Variants in GLIS3 observed in about 807,000 individuals in gnomAD.
GLIS3 encodes zinc finger protein GLIS3.
Under a neutral mutation model 78.6 loss-of-function variants are expected in GLIS3, and 53 were observed. The ratio of observed to expected loss-of-function variants is 0.67; its 90% confidence interval spans 0.54 to 0.85. The LOEUF (loss-of-function observed/expected upper bound fraction) is 0.85. GLIS3 is among the 40% of genes least tolerant of loss of function. The probability of loss-of-function intolerance (pLI) is 0.00; values close to 1 mark genes in which losing one functional copy is unlikely to be tolerated. For missense variants in GLIS3, 1,703 were observed against 1,231.1 expected (o/e 1.38, Z -5.74); for synonymous variants, 684 against 509.9 (o/e 1.34, Z -4.60).
At chr9:3,915,951 G>A (rs1332313698) in intron 6 of GLIS3, among the ~76,000 whole-genome samples, 2 of 152,032 alleles carry the variant, frequency 1.3e-5, no homozygotes, top group East Asian at 3.9e-4. Flanking sequence ...GTCAGTGTGG[G>A]GGCCATATTT....
chr9:4,044,018 A>G (rs1825045211), intron 4 of GLIS3, among the ~76,000 whole-genome samples: 1 of 152,196 alleles, frequency 6.6e-6, no homozygotes, highest in Non-Finnish European at 1.5e-5. Flanking sequence ...GAGCACAGGT[A>G]AGGGCCAAGA....
intron 4 of GLIS3, among the ~76,000 whole-genome samples, chr9:4,025,407 G>A (rs1823246873): frequency 2.0e-5 from 3 of 151,956 alleles, no homozygotes; most frequent in Admixed American, 1.3e-4. Flanking sequence ...TTTGTTTTTT[G>A]AGACTGAGTC....
intron 2 of GLIS3, among the ~76,000 whole-genome samples, chr9:4,252,115 G>A (rs1824455404): frequency 6.6e-6 from 1 of 152,090 alleles, no homozygotes; most frequent in Non-Finnish European, 1.5e-5. Flanking sequence ...GTATCTTTGT[G>A]GTGTTCTCTG....
At chr9:4,200,451 A>G (rs1819273499) in intron 2 of GLIS3, among the ~76,000 whole-genome samples, 1 of 152,170 alleles carries the variant, frequency 6.6e-6, no homozygotes, top group African/African-American at 2.4e-5. Context: ...CCAAATAAGC[A>G]CAATCAGAAA....
the GLIS3 span, among the ~76,000 whole-genome samples, chr9:4,420,421 G>C: frequency 6.6e-6 from 1 of 152,146 alleles, no homozygotes; most frequent in Admixed American, 6.5e-5. Context: ...TATCTAGCTA[G>C]ACAAGCATCT....
intron 9 of GLIS3, among the ~76,000 whole-genome samples, chr9:3,838,646 C>T (rs1257651860): frequency 2.0e-5 from 3 of 152,134 alleles, no homozygotes; most frequent in South Asian, 4.1e-4. Flanking sequence ...TCAAACACTC[C>T]CTGTCTAGGT....
At chr9:4,104,380 G>C (rs1830600118) in intron 4 of GLIS3, among the ~76,000 whole-genome samples, 1 of 152,046 alleles carries the variant, frequency 6.6e-6, no homozygotes, top group South Asian at 2.1e-4. Flanking sequence ...CCTATGTTTA[G>C]ATAGCCAGAA....
chr9:3,856,692 A>G (rs1012914174), intron 8 of GLIS3, among the ~76,000 whole-genome samples: 2 of 152,192 alleles, frequency 1.3e-5, no homozygotes, highest in East Asian at 1.9e-4. Context: ...TCTTTGAACA[A>G]TGCATTTGCT....
At chr9:4,462,549 G>A in the GLIS3 span, among the ~76,000 whole-genome samples, 2 of 151,580 alleles carry the variant, frequency 1.3e-5, no homozygotes. Context: ...TTGAAGCCAG[G>A]AGTTCAAGAT....
chr9:4,168,165 CTTCT>C (rs2042892955), intron 2 of GLIS3, among the ~76,000 whole-genome samples: 1 of 152,034 alleles, frequency 6.6e-6, no homozygotes, highest in African/African-American at 2.4e-5. Context: ...TCTTCTCTCT[CTTCT>C]CTCTCTCTTA....
At position 4,259,549 on chromosome 9, in the gene GLIS3, C is replaced by G. The variant is rs369972187; in HGVS notation, c.388+26489G>C. Reference sequence around the variant, plus strand: ...CTGTTGACAACTCACTAACTCCCCCCACCGCCCACCCCATAATCCTATCCC... The same window carrying G: ...CTGTTGACAACTCACTAACTCCCCCGACCGCCCACCCCATAATCCTATCCC... On this transcript the variant is annotated intron_variant, in intron 2 of 10. Coordinates refer to ENST00000381971, the MANE Select transcript of GLIS3 (RefSeq NM_001042413.2). Among the ~76,000 whole-genome samples, 9 of 152,310 alleles carry G rather than the reference C, an allele frequency of 5.9e-5. No individual in the cohort carries two copies. In the South Asian group the frequency reaches 1.9e-3, roughly 32 times the overall value.
At chr9:4,263,857 A>T (rs181836898) in intron 2 of GLIS3, among the ~76,000 whole-genome samples, 21 of 152,138 alleles carry the variant, frequency 1.4e-4, no homozygotes, top group Admixed American at 1.0e-3. Context: ...GCATCTTCTT[A>T]GTTTCTTCCT....
intron 2 of GLIS3, among the ~76,000 whole-genome samples, chr9:4,162,248 G>T (rs897389404): frequency 6.6e-6 from 1 of 152,044 alleles, no homozygotes; most frequent in Admixed American, 6.6e-5. Flanking sequence ...TACTGGATTA[G>T]ATCCCACTCT....
chr9:3,898,404 G>A (rs1032635737), intron 7 of GLIS3: 1 of 444,310 alleles, frequency 2.3e-6, no homozygotes, highest in East Asian at 4.7e-5. Flanking sequence ...TAAATCAAGT[G>A]AGTAAATGTA....
intron 2 of GLIS3, among the ~76,000 whole-genome samples, chr9:4,161,001 A>C (rs914608934): frequency 2.8e-5 from 4 of 140,402 alleles, no homozygotes; most frequent in African/African-American, 1.3e-4. Flanking sequence ...CCCAGCACTT[A>C]AGAAGGCTAA....
At chr9:4,258,500 T>G (rs1379993167) in intron 2 of GLIS3, among the ~76,000 whole-genome samples, 1 of 152,238 alleles carries the variant, frequency 6.6e-6, no homozygotes, top group Non-Finnish European at 1.5e-5. Flanking sequence ...CTTCCTATTA[T>G]CTTTGCAACT....
intron 2 of GLIS3, among the ~76,000 whole-genome samples, chr9:4,322,973 T>C (rs1587385667): frequency 6.6e-6 from 1 of 152,216 alleles, no homozygotes; most frequent in East Asian, 1.9e-4. Flanking sequence ...GTTTTAGTCA[T>C]GAAGTCCTTG....
intron 4 of GLIS3, among the ~76,000 whole-genome samples, chr9:4,058,743 G>A (rs924908845): frequency 7.2e-5 from 11 of 152,148 alleles, no homozygotes; most frequent in African/African-American, 1.9e-4. Flanking sequence ...CACTTTGGGA[G>A]GCCAAGGCGG....
chr9:4,352,595 G>A (rs1266031691), upstream of GLIS3, among the ~76,000 whole-genome samples: 1 of 152,238 alleles, frequency 6.6e-6, no homozygotes, highest in Non-Finnish European at 1.5e-5. Flanking sequence ...GGCTACTTCT[G>A]TAGAGGGAGG....
Sources: gnomAD v4.1 joint callset for allele counts (sites outside exome capture counted in the v4.1 genomes callset) on GRCh38, gnomAD v4.1.1 for gene constraint, MANE v1.5 for transcripts, NCBI Gene and HGNC (gene_info 2026-07-23, HGNC 2026-07-21) for gene names.